VAT1L: variants seen among roughly 807,000 people sequenced by gnomAD.
VAT1L encodes the protein vesicle amine transport 1 like.
VAT1L carries 34 observed loss-of-function variants against 44.1 expected under a neutral mutation model. The observed-to-expected ratio is 0.77, with a 90% CI of 0.59 to 1.03. VAT1L has a LOEUF of 1.03. VAT1L is among the 50% of genes least tolerant of loss of function. VAT1L has a pLI of 0.00. For missense variants in VAT1L, 615 were observed against 538.8 expected (o/e 1.14, Z -1.40); for synonymous variants, 253 against 202.2 (o/e 1.25, Z -2.13).
chr16:77,940,340 G>GTTTTTTTT (rs66546770), intron 7 of VAT1L, among the ~76,000 whole-genome samples: 1 of 112,520 alleles, frequency 8.9e-6, no homozygotes. Context: ...ATACCACTTG[G>GTTTTTTTT]TTTTTTTTTT....
In VAT1L at chr16:77,797,738, G is replaced by C. The variant is rs529964938; in HGVS notation, c.233+8823G>C. ...GAAATAGTGCCCCGATGACCTCCAAGCTCCTGGGACTTCCTTTTCCTAAGA... is the reference window on the plus strand; with the variant it reads ...GAAATAGTGCCCCGATGACCTCCAACCTCCTGGGACTTCCTTTTCCTAAGA... On this transcript the variant is annotated intron_variant, in intron 1 of 8. Transcript: ENST00000302536. 3.1e-4 allele frequency among the ~76,000 whole-genome samples: 47 copies of C among 152,280 alleles called. 1 individual carries two copies. In the South Asian group the frequency reaches 4.8e-3, roughly 15 times the overall value.
At position 77,892,928 on chromosome 16, in the gene VAT1L, G is replaced by A. The variant is rs149544204; in HGVS notation, c.1077+8126G>A. On this transcript the variant is annotated intron_variant, in intron 7 of 8. Transcript: ENST00000302536. ...TGGACAAATCTAATAAGTTTGACTT[G>A]TGTTTTATCTTAACCTCCAGACCAT... 437 of 960,074 alleles carry A rather than the reference G, an allele frequency of 4.6e-4. 2 individuals carry two copies. The East Asian group carries it at 5.1e-3, about 11-fold the overall frequency. The allele number at this position is 960,074 out of a possible 1,614,324, so 59.5% of individuals were successfully genotyped here. A position where few individuals can be genotyped will look rare whatever the true frequency, so the allele number is the denominator to read the frequency against.
intron 2 of VAT1L, among the ~76,000 whole-genome samples, chr16:77,824,601 A>G (rs1300564687): frequency 1.3e-5 from 2 of 151,418 alleles, no homozygotes; most frequent in African/African-American, 4.8e-5. Flanking sequence ...TAAAAATACA[A>G]AAAAATTAGC....
chr16:77,922,389 A>G (rs2017621591), intron 7 of VAT1L, among the ~76,000 whole-genome samples: 1 of 152,222 alleles, frequency 6.6e-6, no homozygotes, highest in Non-Finnish European at 1.5e-5. Flanking sequence ...CACGTTTCAA[A>G]TGAACAGACA....
chr16:77,922,523 G>A (rs762356973), intron 7 of VAT1L, among the ~76,000 whole-genome samples: 13 of 152,170 alleles, frequency 8.5e-5, no homozygotes, highest in Non-Finnish European at 8.8e-5. Flanking sequence ...ACAGGCAGCT[G>A]TCAGCGGCTT....
chr16:77,851,218 A>G (rs527437069), intron 3 of VAT1L, among the ~76,000 whole-genome samples: 10 of 152,204 alleles, frequency 6.6e-5, no homozygotes, highest in South Asian at 6.2e-4. Flanking sequence ...AGGGGCAGCT[A>G]TGGTTACAGA....
At position 77,902,972 on chromosome 16, in the gene VAT1L, G is replaced by GAA. The variant is rs11307214; in HGVS notation, c.1077+18187_1077+18188dup. Among the ~76,000 whole-genome samples the GAA allele has an allele frequency of 1.8e-3, 170 of 96,362 alleles. 4 individuals are homozygous for GAA. Among genetic ancestry groups the GAA allele is most frequent in the African/African-American group, 6.0e-3 (146 of 24,154 alleles). The allele number at this position is 96,362 out of a possible 152,430, so 63.2% of individuals were successfully genotyped here. A position where few individuals can be genotyped will look rare whatever the true frequency, so the allele number is the denominator to read the frequency against. On this transcript the variant is annotated intron_variant, in intron 7 of 8. Coordinates refer to ENST00000302536, the MANE Select transcript of VAT1L (RefSeq NM_020927.3). The stretch of plus-strand genomic sequence containing the variant: ...TGGGCCACAGAGGGAGACTCTGTCT[G>GAA]AAAAAAAAAAAAAAAAAAGAAAGAA...
intron 7 of VAT1L, among the ~76,000 whole-genome samples, chr16:77,960,861 T>A (rs1430111994): frequency 6.6e-6 from 1 of 152,060 alleles, no homozygotes; most frequent in Non-Finnish European, 1.5e-5. Flanking sequence ...TGACCGTGAC[T>A]ACTGCTCCTC....
chr16:77,815,945 A>G (rs1306473414), intron 1 of VAT1L, among the ~76,000 whole-genome samples: 1 of 14,510 alleles, frequency 6.9e-5, no homozygotes, highest in Non-Finnish European at 2.0e-4. Context: ...TCCAGCCTGG[A>G]CAACAGGAGC....
At chr16:77,858,982 A>C (rs2016888437) in intron 3 of VAT1L, among the ~76,000 whole-genome samples, 1 of 152,074 alleles carries the variant, frequency 6.6e-6, no homozygotes, top group Non-Finnish European at 1.5e-5. Context: ...CTAAAAATAC[A>C]AAATTAGCCA....
intron 1 of VAT1L, among the ~76,000 whole-genome samples, chr16:77,806,555 G>C (rs1005744298): frequency 9.2e-5 from 14 of 151,486 alleles, no homozygotes; most frequent in African/African-American, 3.1e-4. Flanking sequence ...ATGTTAGCCA[G>C]CATGGTCTCG....
intron 8 of VAT1L, 76 bp downstream of exon 8, chr16:77,972,009 G>T (rs77818551): frequency 0.043 from 61,810 of 1,427,352 alleles, 1,565 homozygotes; most frequent in Middle Eastern, 0.065. Flanking sequence ...AGACACGGGT[G>T]GGGTAGAAGG....
intron 7 of VAT1L, among the ~76,000 whole-genome samples, chr16:77,970,627 A>G (rs931989597): frequency 3.9e-5 from 6 of 152,208 alleles, no homozygotes; most frequent in South Asian, 2.1e-4. Flanking sequence ...TCTGGGACAT[A>G]TAAGTTGCTT....
chr16:77,804,485 A>C (rs2016119921), intron 1 of VAT1L, among the ~76,000 whole-genome samples: 1 of 152,132 alleles, frequency 6.6e-6, no homozygotes, highest in Non-Finnish European at 1.5e-5. Context: ...GTGTGTTTTG[A>C]ATACTAATTT....
intron 2 of VAT1L, among the ~76,000 whole-genome samples, chr16:77,823,191 C>T (rs552938274): frequency 5.3e-5 from 8 of 151,966 alleles, no homozygotes; most frequent in Non-Finnish European, 8.8e-5. Context: ...CTCCAGGCTA[C>T]TCTGACATCC....
At chr16:77,910,690 AAAAG>A (rs1567505843) in intron 7 of VAT1L, among the ~76,000 whole-genome samples, 2 of 150,888 alleles carry the variant, frequency 1.3e-5, no homozygotes, top group Non-Finnish European at 1.5e-5. Flanking sequence ...AAAAAAAAAA[AAAAG>A]AAAGAAAAGA....
chr16:77,939,294 G>C (rs1323760402), intron 7 of VAT1L, among the ~76,000 whole-genome samples: 1 of 152,160 alleles, frequency 6.6e-6, no homozygotes, highest in African/African-American at 2.4e-5. Flanking sequence ...GCTGGAGCCA[G>C]TATGCACGAG....
intron 3 of VAT1L, among the ~76,000 whole-genome samples, chr16:77,842,631 CA>C (rs1347975903): frequency 6.6e-6 from 1 of 152,086 alleles, no homozygotes; most frequent in African/African-American, 2.4e-5. Flanking sequence ...TGGCCAAAGC[CA>C]GGGGTAGGTA....
At chr16:77,839,112 G>A (rs938771180) in intron 3 of VAT1L, among the ~76,000 whole-genome samples, 6 of 152,142 alleles carry the variant, frequency 3.9e-5, no homozygotes, top group African/African-American at 1.4e-4. Flanking sequence ...ACATGAGGAC[G>A]TAAGTGCCTG....
Sources: gnomAD v4.1 joint callset for allele counts (sites outside exome capture counted in the v4.1 genomes callset) on GRCh38, gnomAD v4.1.1 for gene constraint, MANE v1.5 for transcripts, NCBI Gene and HGNC (gene_info 2026-07-23, HGNC 2026-07-21) for gene names.